USP15: variants seen among roughly 807,000 people sequenced by gnomAD.
USP15 encodes ubiquitin specific peptidase 15.
USP15 carries 18 observed loss-of-function variants against 127.1 expected under a neutral mutation model. The observed-to-expected ratio is 0.14, with a 90% confidence interval of 0.10 to 0.21. The LOEUF is 0.21. Ranked by LOEUF, USP15 falls within the 10% of genes least tolerant of loss-of-function variation. USP15 has a pLI of 1.00. For synonymous variants in USP15, 364 were observed against 393.7 expected, an observed-to-expected ratio of 0.92 and a Z score of 0.89; for missense variants, 805 against 1,159.9, an observed-to-expected ratio of 0.69 and a Z score of 4.44.
At chr12:62,282,022 A>G (rs1418040132) in intron 1 of USP15, among the ~76,000 whole-genome samples, 1 of 152,140 alleles carries the variant, frequency 6.6e-6, no homozygotes, top group African/African-American at 2.4e-5. Context: ...TCCTATGCTT[A>G]CATATAATAA....
At chr12:62,356,670 G>C (rs1457880485) in intron 8 of USP15, among the ~76,000 whole-genome samples, 1 of 151,986 alleles carries the variant, frequency 6.6e-6, no homozygotes, top group African/African-American at 2.4e-5. Flanking sequence ...CTTCAAATGA[G>C]TAATCCTGCT....
At chr12:62,348,916 A>G (rs2065894710) in intron 6 of USP15, among the ~76,000 whole-genome samples, 1 of 152,138 alleles carries the variant, frequency 6.6e-6, no homozygotes. Context: ...TGATCGTAAA[A>G]TGTTAAAAAT....
At chr12:62,292,493 C>T (rs944642453) in intron 1 of USP15, among the ~76,000 whole-genome samples, 4 of 152,232 alleles carry the variant, frequency 2.6e-5, no homozygotes, top group African/African-American at 9.6e-5. Flanking sequence ...CCCCTCACAG[C>T]TTCAGATAGC....
intron 1 of USP15, among the ~76,000 whole-genome samples, chr12:62,276,998 A>G (rs1303735715): frequency 6.6e-6 from 1 of 152,072 alleles, no homozygotes; most frequent in Non-Finnish European, 1.5e-5. Flanking sequence ...GAACACTATC[A>G]CTTTTGCTAG....
chr12:62,278,314 T>A (rs1057275764), intron 1 of USP15, among the ~76,000 whole-genome samples: 1 of 152,122 alleles, frequency 6.6e-6, no homozygotes. Flanking sequence ...ACAGCTAACT[T>A]TTTTTTATAT....
chr12:62,270,696 A>C (rs2063328198), intron 1 of USP15, among the ~76,000 whole-genome samples: 1 of 152,118 alleles, frequency 6.6e-6, no homozygotes, highest in South Asian at 2.1e-4. Context: ...TTATTTCTAG[A>C]TTCTATATTT....
At chr12:62,286,282 A>G (rs1194205068) in intron 1 of USP15, among the ~76,000 whole-genome samples, 1 of 152,200 alleles carries the variant, frequency 6.6e-6, no homozygotes, top group Non-Finnish European at 1.5e-5. Context: ...GAAAAAATGC[A>G]CAAAATCACT....
chr12:62,308,079 T>C (rs1415251360), intron 3 of USP15, among the ~76,000 whole-genome samples: 1 of 152,132 alleles, frequency 6.6e-6, no homozygotes, highest in African/African-American at 2.4e-5. Context: ...ATAGTGAATA[T>C]AGGGATTAGT....
rs2068008756 is a variant in USP15 at position 62,410,336 on chromosome 12, C to T, written c.*5961C>T. 1 of 151,558 alleles carries T rather than the reference C, an allele frequency of 6.6e-6. No individual in the cohort carries two copies. The highest frequency in any genetic ancestry group is 2.1e-4 in the South Asian group (1 of 4,784). 9.4% of individuals were successfully genotyped at this position (151,558 alleles called of 1,614,324 possible). A position where few individuals can be genotyped will look rare whatever the true frequency, so the allele number is the denominator to read the frequency against. ...TCAGTCTCCCAAGAATTATGTAAAG[C>T]AAATAGGAATTATTTTAGAGTTGCC... On this transcript the variant is annotated 3_prime_UTR_variant, in exon 22 of 22. Transcript: ENST00000280377.
At chr12:62,335,055 G>C in intron 6 of USP15, 1 of 971,842 alleles carries the variant, frequency 1.0e-6, no homozygotes, top group Non-Finnish European at 1.5e-6. Context: ...CTGAGGGCAC[G>C]ATATGTTACA....
At chr12:62,313,698 C>T (rs1387865632) in intron 3 of USP15, among the ~76,000 whole-genome samples, 1 of 151,674 alleles carries the variant, frequency 6.6e-6, no homozygotes, top group African/African-American at 2.4e-5. Context: ...TTTTACAAAA[C>T]AAATTACATT....
rs1213381151 is a variant in USP15, at chr12:62,413,412, T to G, written c.*9037T>G. ...CTAGCTATGAAAGTCCTGGATGACA[T>G]CTTCCAACATAAGACTTTCATCTAC... On this transcript the variant is annotated 3_prime_UTR_variant, in exon 22 of 22. Coordinates refer to ENST00000280377, the MANE Select transcript of USP15 (RefSeq NM_001252078.2). 6.6e-6 allele frequency: 1 copy of G among 152,230 alleles called. No homozygotes were observed. Among genetic ancestry groups the G allele is most frequent in the Non-Finnish European group, 1.5e-5 (1 of 68,040 alleles). 9.4% of individuals were successfully genotyped at this position (152,230 alleles called of 1,614,324 possible).
intron 11 of USP15, among the ~76,000 whole-genome samples, chr12:62,387,023 A>G (rs2067170825): frequency 6.6e-6 from 1 of 152,170 alleles, no homozygotes; most frequent in African/African-American, 2.4e-5. Flanking sequence ...TTTTAGTGGA[A>G]TATATAGGAA....
chr12:62,264,447 T>C (rs7972031), intron 1 of USP15, among the ~76,000 whole-genome samples: 6,498 of 152,360 alleles, frequency 0.043, 213 homozygotes, highest in Middle Eastern at 0.071. Context: ...TGGTAATGTG[T>C]AGTTAACTTT....
chr12:62,321,735 T>G, intron 5 of USP15, 126 bp downstream of exon 5: 1 of 663,612 alleles, frequency 1.5e-6, no homozygotes, highest in Non-Finnish European at 2.2e-6. Context: ...AACTCATCTC[T>G]TGTCTTTCCT....
At chr12:62,275,233 G>A (rs768420055) in intron 1 of USP15, among the ~76,000 whole-genome samples, 6 of 152,134 alleles carry the variant, frequency 3.9e-5, no homozygotes, top group Non-Finnish European at 8.8e-5. Flanking sequence ...TTGGAAATAC[G>A]ATTCAAGAAC....
chr12:62,308,851 C>T (rs1456038684), intron 3 of USP15, among the ~76,000 whole-genome samples: 1 of 151,928 alleles, frequency 6.6e-6, no homozygotes, highest in Non-Finnish European at 1.5e-5. Flanking sequence ...CTGATTATCC[C>T]CCAACTATCT....
intron 3 of USP15, among the ~76,000 whole-genome samples, chr12:62,309,080 G>A (rs928660979): frequency 3.9e-5 from 6 of 152,046 alleles, no homozygotes; most frequent in African/African-American, 1.2e-4. Flanking sequence ...ACATTATAAT[G>A]TAGACATTAA....
At chr12:62,320,873 A>G (rs148606827) in intron 4 of USP15, among the ~76,000 whole-genome samples, 43 of 152,256 alleles carry the variant, frequency 2.8e-4, no homozygotes, top group African/African-American at 1.0e-3. Flanking sequence ...CAAGTTATTG[A>G]CCAGAACTAG....
Sources: allele counts gnomAD v4.1 joint callset (sites outside exome capture counted in the v4.1 genomes callset), GRCh38; gene constraint gnomAD v4.1.1; transcripts MANE v1.5; gene names NCBI Gene and HGNC (gene_info 2026-07-23, HGNC 2026-07-21).